The following ZRANB3 variants were observed in gnomAD, a reference collection of about 807,000 sequenced individuals.
ZRANB3 encodes zinc finger RANBP2-type containing 3.
ZRANB3 carries 125 observed loss-of-function variants against 133.8 expected under a neutral mutation model. That is an observed-to-expected ratio of 0.93 (90% CI 0.81 to 1.08). The LOEUF (loss-of-function observed/expected upper bound fraction) is 1.08, where lower values mean the gene tolerates loss of function less well. Among genes scored for constraint, ZRANB3 ranks in the 50% least tolerant of loss-of-function variants. The pLI is 0.00. For synonymous variants in ZRANB3, 387 were observed against 432.7 expected (o/e 0.89, Z 1.31); for missense variants, 1,229 against 1,275.5 (o/e 0.96, Z 0.56).
chr2:135,473,584 A>G (rs1159438473), intron 2 of ZRANB3, among the ~76,000 whole-genome samples: 6 of 152,138 alleles, frequency 3.9e-5, no homozygotes, highest in Non-Finnish European at 8.8e-5. Context: ...GAATATGGAA[A>G]TACACATTCG....
At chr2:135,451,344 C>T (rs1162569092) in intron 2 of ZRANB3, among the ~76,000 whole-genome samples, 1 of 152,058 alleles carries the variant, frequency 6.6e-6, no homozygotes, top group African/African-American at 2.4e-5. Flanking sequence ...GACAGATCAT[C>T]TGAGATCAGG....
chr2:135,233,825 G>A (rs1421663472), intron 12 of ZRANB3, among the ~76,000 whole-genome samples: 1 of 152,150 alleles, frequency 6.6e-6, no homozygotes, highest in East Asian at 1.9e-4. Context: ...ACCAGTACAA[G>A]CCACTGCAAA....
chr2:135,398,838 T>A (rs1687615748), intron 2 of ZRANB3, among the ~76,000 whole-genome samples: 1 of 152,180 alleles, frequency 6.6e-6, no homozygotes, highest in Non-Finnish European at 1.5e-5. Context: ...TCACTTTTTT[T>A]ATTGATCAGT....
Position 135,230,937 on chromosome 2 carries a change from G to T in ZRANB3, c.1540-10C>A. The T allele has an allele frequency of 6.5e-7, 1 of 1,531,010 alleles. No homozygotes were observed. The highest frequency in any genetic ancestry group is 8.7e-7 in the Non-Finnish European group (1 of 1,142,944). 94.8% of individuals were successfully genotyped at this position (1,531,010 alleles called of 1,614,324 possible). ...GTTTTTCTTTTTCGAACTAGGAAAA[G>T]CAAACAGTAGTTATCAAAGTAAGAA... On this transcript the variant is annotated splice_polypyrimidine_tract_variant and intron_variant, in intron 12 of 20. Transcript: ENST00000264159.
chr2:135,389,971 C>G (rs1687152773), intron 3 of ZRANB3, among the ~76,000 whole-genome samples: 1 of 145,896 alleles, frequency 6.9e-6, no homozygotes, highest in Admixed American at 7.1e-5. Context: ...AGCTCTGCCT[C>G]CTGGGTTCAT....
rs371171868 is a variant in ZRANB3 at position 135,526,874 on chromosome 2, T to C, written c.-8+4253A>G. 1.1e-4 allele frequency among the ~76,000 whole-genome samples: 16 copies of C among 152,150 alleles called. No homozygotes were observed. In the East Asian group the frequency reaches 2.1e-3, roughly 20 times the overall value. On this transcript the variant is annotated intron_variant, in intron 1 of 20. Coordinates refer to ENST00000264159, the MANE Select transcript of ZRANB3 (RefSeq NM_032143.4). ...CAATAAAACTTGGTCTCCACAATCC[T>C]TTATCTTTAACCTGAGCATTCCTTT...
At chr2:135,514,936 G>C (rs564892787) in intron 1 of ZRANB3, among the ~76,000 whole-genome samples, 1 of 152,022 alleles carries the variant, frequency 6.6e-6, no homozygotes, top group African/African-American at 2.4e-5. Flanking sequence ...GATGGATTAC[G>C]TTTACTGATT....
chr2:135,420,003 C>T (rs1232496263), intron 2 of ZRANB3, among the ~76,000 whole-genome samples: 1 of 148,294 alleles, frequency 6.7e-6, no homozygotes, highest in South Asian at 2.1e-4. Context: ...TCGCCATATA[C>T]ATATATATGT....
chr2:135,429,739 G>A (rs368109282), intron 2 of ZRANB3, among the ~76,000 whole-genome samples: 19 of 152,198 alleles, frequency 1.2e-4, no homozygotes, highest in Non-Finnish European at 2.1e-4. Context: ...TACGGGAAAC[G>A]GTAGAGAGAA....
At chr2:135,383,190 G>A (rs1373759016) in intron 3 of ZRANB3, among the ~76,000 whole-genome samples, 1 of 152,074 alleles carries the variant, frequency 6.6e-6, no homozygotes, top group Non-Finnish European at 1.5e-5. Context: ...GGCAGCAGTT[G>A]CAATCCTAGT....
intron 2 of ZRANB3, among the ~76,000 whole-genome samples, chr2:135,501,163 C>G (rs548032044): frequency 6.6e-6 from 1 of 151,912 alleles, no homozygotes; most frequent in South Asian, 2.1e-4. Context: ...CACAAAGGAA[C>G]AAAAATTAGA....
intron 8 of ZRANB3, among the ~76,000 whole-genome samples, chr2:135,291,919 A>G (rs953638374): frequency 6.6e-5 from 10 of 152,200 alleles, no homozygotes; most frequent in African/African-American, 2.4e-4. Context: ...TACAAAGGAC[A>G]TGAACTCATC....
intron 12 of ZRANB3, among the ~76,000 whole-genome samples, chr2:135,235,111 A>G (rs1177811231): frequency 1.3e-5 from 2 of 152,240 alleles, no homozygotes; most frequent in Non-Finnish European, 2.9e-5. Context: ...GGATATCACC[A>G]CCGATCCCAC....
rs1028715789 is a variant in ZRANB3 at position 135,414,203 on chromosome 2, A to G, written c.162-23383T>C. Among the ~76,000 whole-genome samples, 20 of 152,204 alleles carry G rather than the reference A, an allele frequency of 1.3e-4. 1 individual carries two copies. ...GACCCATCAGTGTGCTGTATTCAGGAAACCCATCTCACGTGCAGAGACACA... is the reference window on the plus strand; with the variant it reads ...GACCCATCAGTGTGCTGTATTCAGGGAACCCATCTCACGTGCAGAGACACA... On this transcript the variant is annotated intron_variant, in intron 2 of 20. Transcript: ENST00000264159.
intron 2 of ZRANB3, among the ~76,000 whole-genome samples, chr2:135,474,487 C>T (rs1195261810): frequency 6.6e-6 from 1 of 152,062 alleles, no homozygotes; most frequent in South Asian, 2.1e-4. Context: ...TGAGTTCTCA[C>T]ACGTTTAGTT....
chr2:135,380,403 A>C (rs1268860083), intron 3 of ZRANB3, among the ~76,000 whole-genome samples: 12 of 152,226 alleles, frequency 7.9e-5, no homozygotes, highest in Admixed American at 7.9e-4. Flanking sequence ...AATTGACTAC[A>C]TAATTGGAAG....
At chr2:135,280,618 G>T (rs1681058604) in intron 8 of ZRANB3, among the ~76,000 whole-genome samples, 1 of 152,010 alleles carries the variant, frequency 6.6e-6, no homozygotes, top group Admixed American at 6.6e-5. Context: ...GAATATTCAT[G>T]ATTTTTTTTT....
At chr2:135,433,160 A>T (rs1291198219) in intron 2 of ZRANB3, among the ~76,000 whole-genome samples, 1 of 152,104 alleles carries the variant, frequency 6.6e-6, no homozygotes, top group Non-Finnish European at 1.5e-5. Context: ...AAGATAGAAG[A>T]TCTTGACATA....
chr2:135,444,136 G>A (rs772541337), intron 2 of ZRANB3, among the ~76,000 whole-genome samples: 18 of 151,408 alleles, frequency 1.2e-4, no homozygotes, highest in Non-Finnish European at 2.5e-4. Flanking sequence ...TGATAAGAAT[G>A]AGGAGAAACT....
Sources: gnomAD v4.1 joint callset for allele counts (sites outside exome capture counted in the v4.1 genomes callset) on GRCh38, gnomAD v4.1.1 for gene constraint, MANE v1.5 for transcripts, NCBI Gene and HGNC (gene_info 2026-07-23, HGNC 2026-07-21) for gene names.